Variants in PRMT8 observed in about 807,000 individuals in gnomAD.
PRMT8 encodes protein arginine N-methyltransferase 8.
PRMT8 carries 7 observed loss-of-function variants against 47.1 expected under a neutral mutation model. That is an observed-to-expected ratio of 0.15 (90% CI 0.08 to 0.28). The LOEUF is 0.28. Among genes scored for constraint, PRMT8 ranks in the 10% least tolerant of loss-of-function variants. The pLI, the probability that PRMT8 is intolerant of heterozygous loss-of-function variation, is 1.00. For missense variants in PRMT8, 237 were observed against 505.4 expected (o/e 0.47, Z 5.09); for synonymous variants, 188 against 186.5 (o/e 1.01, Z -0.07).
chr12:3,432,598 G>C (rs1366864620), intron 1 of PRMT8, among the ~76,000 whole-genome samples: 1 of 151,968 alleles, frequency 6.6e-6, no homozygotes, highest in Non-Finnish European at 1.5e-5. Flanking sequence ...TCAGGAGGCC[G>C]ATGGGGCTGG....
chr12:3,394,616 T>A (rs1224808928), intron 1 of PRMT8, among the ~76,000 whole-genome samples: 1 of 152,244 alleles, frequency 6.6e-6, no homozygotes, highest in Non-Finnish European at 1.5e-5. Context: ...ATTCTGCCAG[T>A]ATTTTATTGA....
In PRMT8 at chr12:3,564,590, T is replaced by C. The variant is rs3782749; in HGVS notation, c.482-4116T>C. Reference sequence around the variant, plus strand: ...CTGTGCATTTAGTTCTGATTAATCATTCTGTAATTTACCAGCCAGAGTCCT... The same window carrying C: ...CTGTGCATTTAGTTCTGATTAATCACTCTGTAATTTACCAGCCAGAGTCCT... On this transcript the variant is annotated intron_variant, in intron 4 of 9. Coordinates refer to ENST00000382622, the MANE Select transcript of PRMT8 (RefSeq NM_019854.5). The surrounding 1 kb of genome is among the most constrained non-coding windows in gnomAD (Gnocchi z 4.0). Among the ~76,000 whole-genome samples, 394 of 152,370 alleles carry C rather than the reference T, an allele frequency of 2.6e-3. 4 individuals carry two copies. In the East Asian group the frequency reaches 0.052, roughly 20 times the overall value.
chr12:3,565,175 T>C (rs1372638414), intron 4 of PRMT8, among the ~76,000 whole-genome samples: 1 of 152,224 alleles, frequency 6.6e-6, no homozygotes, highest in East Asian at 1.9e-4. Flanking sequence ...TCTTGCAGAA[T>C]GCCTTACACA....
At chr12:3,558,683 T>A (rs7961805) in intron 4 of PRMT8, among the ~76,000 whole-genome samples, 94 of 152,132 alleles carry the variant, frequency 6.2e-4, no homozygotes, top group Non-Finnish European at 1.1e-3. Context: ...AGTTTGGGAT[T>A]GTGCGCTGGT....
At chr12:3,447,563 A>C (rs1182183623) in intron 1 of PRMT8, among the ~76,000 whole-genome samples, 2 of 152,092 alleles carry the variant, frequency 1.3e-5, no homozygotes, top group African/African-American at 4.8e-5. Context: ...TCTCTTTCTC[A>C]GGAAGCCTGT....
At chr12:3,477,024 TA>T (rs1214393962) in intron 1 of PRMT8, among the ~76,000 whole-genome samples, 1 of 152,210 alleles carries the variant, frequency 6.6e-6, no homozygotes, top group African/African-American at 2.4e-5. Flanking sequence ...TGTGATTGAC[TA>T]TAGGCGAGAC....
At chr12:3,483,368 T>C (rs1016974081) in intron 1 of PRMT8, among the ~76,000 whole-genome samples, 1 of 152,138 alleles carries the variant, frequency 6.6e-6, no homozygotes, top group Non-Finnish European at 1.5e-5. Flanking sequence ...GTGTTGGAAA[T>C]AAATGGATAC....
intron 1 of PRMT8, among the ~76,000 whole-genome samples, chr12:3,407,070 T>A (rs1565400333): frequency 6.6e-6 from 1 of 152,108 alleles, no homozygotes; most frequent in Non-Finnish European, 1.5e-5. Flanking sequence ...CTTACAATCA[T>A]GACAGAAAGG....
rs779209778 is a variant in PRMT8 at position 3,568,866 on chromosome 12, T to C, written c.624+18T>C. The C allele has an allele frequency of 3.2e-5, 52 of 1,613,562 alleles. No homozygotes were observed. Among genetic ancestry groups the C allele is most frequent in the Non-Finnish European group, 4.1e-5 (48 of 1,179,758 alleles). ...AGTGGCTGGTAAGTGTCCTGCATGCTGTCCCCGCGTTGGCCGGCTGGCTGT... is the reference window on the plus strand; with the variant it reads ...AGTGGCTGGTAAGTGTCCTGCATGCCGTCCCCGCGTTGGCCGGCTGGCTGT... On this transcript the variant is annotated intron_variant, in intron 5 of 9. Transcript: ENST00000382622.
intron 1 of PRMT8, among the ~76,000 whole-genome samples, chr12:3,474,742 A>G (rs1160748842): frequency 6.6e-6 from 1 of 151,976 alleles, no homozygotes; most frequent in Non-Finnish European, 1.5e-5. Flanking sequence ...TAAGGCCTTC[A>G]CTTTCTCATC....
At chr12:3,533,258 A>G (rs1866062214) in intron 1 of PRMT8, among the ~76,000 whole-genome samples, 1 of 152,100 alleles carries the variant, frequency 6.6e-6, no homozygotes, top group Non-Finnish European at 1.5e-5. Flanking sequence ...CATGAGGCAG[A>G]CGACTGAAGA....
rs1170133390 is a variant in PRMT8 at position 3,564,378 on chromosome 12, G to T, written c.482-4328G>T. Among the ~76,000 whole-genome samples, 1 of 152,192 alleles carries T rather than the reference G, an allele frequency of 6.6e-6. No individual in the cohort carries two copies. Among genetic ancestry groups the T allele is most frequent in the African/African-American group, 2.4e-5 (1 of 41,448 alleles). ...TGGATGCACTGGAGGCTCAAATGAG[G>T]TTGAGCTGGCCTGATTTGTTTAAAA... On this transcript the variant is annotated intron_variant, in intron 4 of 9. Coordinates refer to ENST00000382622, the MANE Select transcript of PRMT8 (RefSeq NM_019854.5). The surrounding 1 kb of genome is among the most constrained non-coding windows in gnomAD (Gnocchi z 4.0).
intron 1 of PRMT8, among the ~76,000 whole-genome samples, chr12:3,469,908 G>GAC (rs1276941494): frequency 6.6e-6 from 1 of 152,066 alleles, no homozygotes; most frequent in Non-Finnish European, 1.5e-5. Flanking sequence ...CCACCCCGCA[G>GAC]ACACACACAC....
chr12:3,416,398 C>T (rs1024559772), intron 1 of PRMT8, among the ~76,000 whole-genome samples: 1 of 152,200 alleles, frequency 6.6e-6, no homozygotes, highest in African/African-American at 2.4e-5. Context: ...TTGCATTTTT[C>T]TTTGGCTGGT....
chr12:3,435,195 C>T (rs1864725849), intron 1 of PRMT8, among the ~76,000 whole-genome samples: 1 of 151,968 alleles, frequency 6.6e-6, no homozygotes, highest in African/African-American at 2.4e-5. Context: ...TCTCAAACTC[C>T]TGACCTCAGG....
At chr12:3,469,987 G>T (rs913363215) in intron 1 of PRMT8, among the ~76,000 whole-genome samples, 1 of 152,148 alleles carries the variant, frequency 6.6e-6, no homozygotes, top group South Asian at 2.1e-4. Flanking sequence ...CCTGCACTCT[G>T]GGGGGAATGA....
At chr12:3,571,163 C>T (rs962418246) in intron 6 of PRMT8, among the ~76,000 whole-genome samples, 3 of 152,216 alleles carry the variant, frequency 2.0e-5, no homozygotes, top group African/African-American at 7.2e-5. Context: ...AGCTAAGCCC[C>T]TTTCTGCCCC....
intron 1 of PRMT8, among the ~76,000 whole-genome samples, chr12:3,471,858 A>G (rs896325947): frequency 6.6e-6 from 1 of 151,888 alleles, no homozygotes; most frequent in Non-Finnish European, 1.5e-5. Flanking sequence ...GGGCTTGCCA[A>G]AGATGGGCTT....
intron 6 of PRMT8, among the ~76,000 whole-genome samples, chr12:3,574,357 A>G (rs1347418999): frequency 6.6e-6 from 1 of 152,246 alleles, no homozygotes. Flanking sequence ...AGATTTGTAA[A>G]ACTCCAGCTC....
Sources: gnomAD v4.1 joint callset for allele counts (sites outside exome capture counted in the v4.1 genomes callset) on GRCh38, gnomAD v4.1.1 for gene constraint, Gnocchi (gnomAD v3.1) non-coding constraint, MANE v1.5 for transcripts, NCBI Gene and HGNC (gene_info 2026-07-23, HGNC 2026-07-21) for gene names.